The following PCDHA11 variants were observed in gnomAD, a reference collection of about 807,000 sequenced individuals.
PCDHA11 encodes the protein protocadherin alpha-11.
Under a neutral mutation model 70.3 loss-of-function variants are expected in PCDHA11, and 61 were observed. That is an observed-to-expected ratio of 0.87 (90% CI 0.71 to 1.07). The LOEUF (loss-of-function observed/expected upper bound fraction) is 1.07. PCDHA11 is among the 50% of genes least tolerant of loss of function. PCDHA11 has a pLI of 0.00. For synonymous variants in PCDHA11, 633 were observed against 555.1 expected (o/e 1.14, Z -1.97); for missense variants, 1,324 against 1,237.5 (o/e 1.07, Z -1.05).
chr5:140,876,728 C>T (rs200398819), intron 1 of PCDHA11: 11 of 1,614,128 alleles, frequency 6.8e-6, no homozygotes, highest in African/African-American at 1.3e-5. Context: ...GAGAGCGTGT[C>T]GGCCTATGAG....
At chr5:140,893,608 T>C (rs2064082274) in intron 1 of PCDHA11, among the ~76,000 whole-genome samples, 1 of 152,256 alleles carries the variant, frequency 6.6e-6, no homozygotes, top group African/African-American at 2.4e-5. Flanking sequence ...TTCTCCTTCA[T>C]TTCTGAAGTA....
At chr5:140,980,507 G>A (rs1274816745) in intron 2 of PCDHA11, among the ~76,000 whole-genome samples, 1 of 152,136 alleles carries the variant, frequency 6.6e-6, no homozygotes, top group African/African-American at 2.4e-5. Flanking sequence ...GCATGTGCCT[G>A]TAGTTCCAGC....
At chr5:140,883,395 A>G (rs892476136) in intron 1 of PCDHA11, 2 of 1,614,048 alleles carry the variant, frequency 1.2e-6, no homozygotes, top group African/African-American at 1.3e-5. Context: ...AGTGTGTCCG[A>G]TCGTGACTCT....
In PCDHA11 at chr5:140,869,238, G is replaced by A. The variant is rs1430399840; in HGVS notation, c.135G>A (p.Val45=). The change falls in exon 1 of 4, where the codon GTG becomes GTA. Residue 45 remains valine, a synonymous_variant. Coordinates refer to ENST00000398640, the MANE Select transcript of PCDHA11 (RefSeq NM_018902.5). The stretch of plus-strand genomic sequence containing the variant: ...AGGAGGCCAAACACGGCACCTTCGT[G>A]GGCCGCATCGCGCAGGACCTGGGGC... The part of the protein sequence containing the change: ...VSEEAKHGTF[V]GRIAQDLGLE... The A allele has an allele frequency of 6.2e-7, 1 of 1,613,534 alleles. No homozygotes were observed. Among genetic ancestry groups the A allele is most frequent in the African/African-American group, 1.3e-5 (1 of 74,934 alleles).
At chr5:141,008,809 C>T (rs1397377778) in intron 3 of PCDHA11, among the ~76,000 whole-genome samples, 2 of 152,160 alleles carry the variant, frequency 1.3e-5, no homozygotes, top group African/African-American at 4.8e-5. Flanking sequence ...CAAATAGGCT[C>T]AATTTACAAC....
At chr5:140,967,589 T>C (rs782348275) in intron 1 of PCDHA11, 20 of 1,613,912 alleles carry the variant, frequency 1.2e-5, no homozygotes, top group African/African-American at 1.2e-4. Context: ...CCCAGGCACA[T>C]TGGTGGTGAA....
Position 141,011,530 on chromosome 5 carries a change from T to A in PCDHA11, c.*1593T>A, listed in dbSNP as rs1427621980. 1 of 153,810 alleles carries A rather than the reference T, an allele frequency of 6.5e-6. No individual in the cohort carries two copies. The highest frequency in any genetic ancestry group is 1.5e-5 in the Non-Finnish European group (1 of 68,042). The allele number at this position is 153,810 out of a possible 1,614,324, so 9.5% of individuals were successfully genotyped here. A position where few individuals can be genotyped will look rare whatever the true frequency, so the allele number is the denominator to read the frequency against. On this transcript the variant is annotated 3_prime_UTR_variant, in exon 4 of 4. Coordinates refer to ENST00000398640, the MANE Select transcript of PCDHA11 (RefSeq NM_018902.5). ...TGGAGTAGTGTTTTTTTAACCATTG[T>A]TAATCAGCTTTTGTGTATGAAAGAC...
At chr5:140,994,474 G>A (rs545568699) in intron 3 of PCDHA11, among the ~76,000 whole-genome samples, 27 of 152,078 alleles carry the variant, frequency 1.8e-4, no homozygotes, top group Non-Finnish European at 2.9e-4. Flanking sequence ...AGGCTGAGGC[G>A]GGTGGATTGC....
In PCDHA11 at chr5:140,882,314, C is replaced by G. The variant is rs370330527; in HGVS notation, c.2391+10820C>G. 9 of 1,614,000 alleles carry G rather than the reference C, an allele frequency of 5.6e-6. No individual in the cohort carries two copies. The Admixed American group carries it at 6.7e-5, about 12-fold the overall frequency. On this transcript the variant is annotated intron_variant, in intron 1 of 3. Transcript: ENST00000398640. ...AGGCCCAAGACCGCGGCAACTACTGCTCTGGCTTCTGATCCTCGCAGCCTG... is the reference window on the plus strand; with the variant it reads ...AGGCCCAAGACCGCGGCAACTACTGGTCTGGCTTCTGATCCTCGCAGCCTG...
chr5:140,967,215 G>T (rs782646028), intron 1 of PCDHA11: 1 of 1,613,682 alleles, frequency 6.2e-7, no homozygotes, highest in Non-Finnish European at 8.5e-7. Context: ...CGTTTCCCGC[G>T]GCCCAACTAC....
intron 1 of PCDHA11, among the ~76,000 whole-genome samples, chr5:140,900,786 A>C (rs888308882): frequency 2.0e-5 from 3 of 152,152 alleles, no homozygotes; most frequent in African/African-American, 7.2e-5. Flanking sequence ...GAAACTCCAA[A>C]CTGTTCTCCA....
intron 1 of PCDHA11, among the ~76,000 whole-genome samples, chr5:140,921,757 T>C (rs1361449960): frequency 6.6e-6 from 1 of 152,122 alleles, no homozygotes; most frequent in Non-Finnish European, 1.5e-5. Context: ...GGACACTTCT[T>C]GGCTACTATT....
intron 1 of PCDHA11, among the ~76,000 whole-genome samples, chr5:140,898,111 T>C (rs1319791706): frequency 6.6e-6 from 1 of 152,184 alleles, no homozygotes; most frequent in Non-Finnish European, 1.5e-5. Context: ...ATGAGTAGGT[T>C]GCGAAAATTT....
At chr5:140,968,995 A>G in intron 1 of PCDHA11, 2 of 1,614,200 alleles carry the variant, frequency 1.2e-6, no homozygotes, top group Non-Finnish European at 1.7e-6. Flanking sequence ...CATGCTGTGG[A>G]GGCTTCTGTG....
chr5:140,886,095 T>C (rs1229514130), intron 1 of PCDHA11, among the ~76,000 whole-genome samples: 2 of 152,200 alleles, frequency 1.3e-5, no homozygotes, highest in Non-Finnish European at 2.9e-5. Flanking sequence ...ATATTGACAT[T>C]GATACAGTAA....
chr5:140,876,803 A>G lies in PCDHA11; in HGVS notation c.2391+5309A>G, dbSNP rs201565376. The G allele has an allele frequency of 1.6e-4, 261 of 1,614,140 alleles. 4 individuals are homozygous for G. In the East Asian group the frequency reaches 3.7e-3, roughly 23 times the overall value. On this transcript the variant is annotated intron_variant, in intron 1 of 3. Coordinates refer to ENST00000398640, the MANE Select transcript of PCDHA11 (RefSeq NM_018902.5). ...TGGGCCACGGCTAGAGTGTCCGTGG[A>G]GGTGGCCGACGTGAACGACAATGCG...
intron 1 of PCDHA11, among the ~76,000 whole-genome samples, chr5:140,923,066 C>G (rs1050883797): frequency 6.6e-6 from 1 of 152,198 alleles, no homozygotes; most frequent in African/African-American, 2.4e-5. Flanking sequence ...AGAGCTAGGT[C>G]TCCTCATGTC....
chr5:140,967,327 C>T (rs2096128034), intron 1 of PCDHA11: 2 of 1,608,656 alleles, frequency 1.2e-6, no homozygotes, highest in Admixed American at 1.7e-5. Context: ...CCTACGAGCT[C>T]AGCCCCAGCG....
Position 141,012,283 on chromosome 5 carries a change from AT to A in PCDHA11, c.*2350del, listed in dbSNP as rs1313163740. 6.5e-6 allele frequency: 1 copy of A among 153,798 alleles called. No homozygotes were observed. Among genetic ancestry groups the A allele is most frequent in the Non-Finnish European group, 1.5e-5 (1 of 68,046 alleles). The allele number at this position is 153,798 out of a possible 1,614,324, so 9.5% of individuals were successfully genotyped here. ...AGGATAAAACACGTCATGTGGATTC[AT>A]TTTGAATTGGTGCTATTGGTATTTC... On this transcript the variant is annotated 3_prime_UTR_variant, in exon 4 of 4. Coordinates refer to ENST00000398640, the MANE Select transcript of PCDHA11 (RefSeq NM_018902.5).
Sources: allele counts gnomAD v4.1 joint callset (sites outside exome capture counted in the v4.1 genomes callset), GRCh38; gene constraint gnomAD v4.1.1; transcripts MANE v1.5; gene names NCBI Gene and HGNC (gene_info 2026-07-23, HGNC 2026-07-21).